Variants in POC1A observed in about 807,000 individuals in gnomAD.
The protein encoded by POC1A is POC1 centriolar protein A, also known as POC1 centriolar protein homolog A.
In POC1A, 34 loss-of-function variants were observed where a neutral mutation model predicts 47.8. That is an observed-to-expected ratio of 0.71 (90% CI 0.54 to 0.95). The LOEUF (loss-of-function observed/expected upper bound fraction) is 0.95, where lower values mean the gene tolerates loss of function less well. Among genes scored for constraint, POC1A ranks in the 40% least tolerant of loss-of-function variants. POC1A has a pLI of 0.00. For missense variants in POC1A, 466 were observed against 528.3 expected (o/e 0.88, Z 1.16); for synonymous variants, 177 against 207.6 (o/e 0.85, Z 1.27).
At chr3:52,083,322 G>A (rs1046024462) in intron 10 of POC1A, among the ~76,000 whole-genome samples, 1 of 152,052 alleles carries the variant, frequency 6.6e-6, no homozygotes, top group Non-Finnish European at 1.5e-5. Context: ...ACCCTCATAC[G>A]TGGCGAAACA....
intron 10 of POC1A, among the ~76,000 whole-genome samples, chr3:52,081,223 G>A (rs997424585): frequency 3.9e-5 from 6 of 152,184 alleles, no homozygotes; most frequent in African/African-American, 9.7e-5. Flanking sequence ...TTATGGACAC[G>A]CCTGCTGGCT....
At chr3:52,147,585 C>T (rs966045502) in intron 4 of POC1A, among the ~76,000 whole-genome samples, 2 of 151,920 alleles carry the variant, frequency 1.3e-5, no homozygotes, top group Admixed American at 6.6e-5. Flanking sequence ...AGGCGTGCAC[C>T]ACCACACCCA....
intron 9 of POC1A, among the ~76,000 whole-genome samples, chr3:52,115,763 C>T (rs1348682696): frequency 2.6e-5 from 4 of 152,094 alleles, no homozygotes; most frequent in African/African-American, 7.2e-5. Context: ...ACACTAAACC[C>T]GTTGGTGCTT....
At chr3:52,113,766 A>C (rs1043710405) in intron 9 of POC1A, among the ~76,000 whole-genome samples, 5 of 152,224 alleles carry the variant, frequency 3.3e-5, no homozygotes, top group African/African-American at 1.2e-4. Context: ...ACAAATATTG[A>C]ATCTTCTTTA....
intron 9 of POC1A, among the ~76,000 whole-genome samples, chr3:52,098,660 G>A (rs1032333074): frequency 3.3e-5 from 5 of 152,126 alleles, no homozygotes; most frequent in Admixed American, 2.6e-4. Context: ...GTCAGAAAAC[G>A]ACTGTCTAAA....
chr3:52,150,225 T>G (rs1698514019), intron 2 of POC1A, among the ~76,000 whole-genome samples: 1 of 152,168 alleles, frequency 6.6e-6, no homozygotes, highest in Admixed American at 6.5e-5. Flanking sequence ...ACCGAGGCCC[T>G]TCCCATGCTA....
chr3:52,076,479 G>C (rs118075406), intron 10 of POC1A, among the ~76,000 whole-genome samples: 1 of 152,316 alleles, frequency 6.6e-6, no homozygotes, highest in African/African-American at 2.4e-5. Context: ...ACACCTGGAA[G>C]AGCCTCCCAG....
At chr3:52,113,808 T>C (rs987332150) in intron 9 of POC1A, among the ~76,000 whole-genome samples, 9 of 152,226 alleles carry the variant, frequency 5.9e-5, no homozygotes, top group Admixed American at 5.9e-4. Flanking sequence ...CCACTGAAAC[T>C]AAGAAACCCA....
At position 52,149,367 on chromosome 3, in the gene POC1A, G is replaced by A. The variant is rs1698476772; in HGVS notation, c.298C>T (p.Arg100Cys). ...PNVKGESTVFRAHTATVRSVH... is the reference protein window; with the variant it reads ...PNVKGESTVFCAHTATVRSVH... ...CTCCTCACTGTGGCTGTGTGTGCAC[G>A]AAACACAGTGGACTCACCTTTGCTA... is the stretch of plus-strand genomic sequence containing the variant. The change falls in exon 4 of 11, where the codon CGT (arginine) becomes TGT (cysteine). Residue 100 changes from arginine (R) to cysteine (C), a missense_variant. Transcript: ENST00000296484. 3 of 1,613,976 alleles carry A rather than the reference G, an allele frequency of 1.9e-6. No homozygotes were observed. The highest frequency in any genetic ancestry group is 1.3e-5 in the African/African-American group (1 of 74,910).
intron 2 of POC1A, among the ~76,000 whole-genome samples, 155 bp downstream of exon 2, chr3:52,150,861 G>T (rs1002208651): frequency 9.2e-5 from 14 of 152,166 alleles, no homozygotes; most frequent in African/African-American, 2.9e-4. Flanking sequence ...GAAGCCCAGT[G>T]CCCAAAGAGC....
At chr3:52,136,447 G>C (rs899653740) in intron 7 of POC1A, among the ~76,000 whole-genome samples, 1 of 152,180 alleles carries the variant, frequency 6.6e-6, no homozygotes, top group Non-Finnish European at 1.5e-5. Flanking sequence ...CCCAGGCCAG[G>C]AAGCCCAGGA....
At chr3:52,105,357 G>A (rs909035212) in intron 9 of POC1A, among the ~76,000 whole-genome samples, 1 of 152,236 alleles carries the variant, frequency 6.6e-6, no homozygotes, top group African/African-American at 2.4e-5. Context: ...AACTGTGGAT[G>A]AGGAGACTCA....
chr3:52,152,508 T>G (rs1230629210), intron 1 of POC1A, among the ~76,000 whole-genome samples: 1 of 151,888 alleles, frequency 6.6e-6, no homozygotes, highest in Non-Finnish European at 1.5e-5. Context: ...AGGAGGAGGT[T>G]GTAGTGAGCC....
At chr3:52,082,068 T>C (rs1338161115) in intron 10 of POC1A, among the ~76,000 whole-genome samples, 1 of 151,776 alleles carries the variant, frequency 6.6e-6, no homozygotes, top group Non-Finnish European at 1.5e-5. Context: ...TGAGAGGGTC[T>C]GGCAGGCATG....
Position 52,149,357 on chromosome 3 carries a change from G to A in POC1A, c.308C>T (p.Thr103Ile). ...KGESTVFRAH[T>I]ATVRSVHFCS... ...GAAGTGGACACTCCTCACTGTGGCTGTGTGTGCACGAAACACAGTGGACTC... is the reference window on the plus strand; with the variant it reads ...GAAGTGGACACTCCTCACTGTGGCTATGTGTGCACGAAACACAGTGGACTC... Residue 103 changes from threonine (T) to isoleucine (I), a missense_variant, in exon 4 of 11, where the codon ACA becomes ATA. Coordinates refer to ENST00000296484, the MANE Select transcript of POC1A (RefSeq NM_015426.5). The A allele has an allele frequency of 1.2e-6, 2 of 1,614,176 alleles. No homozygotes were observed. The highest frequency in any genetic ancestry group is 1.7e-6 in the Non-Finnish European group (2 of 1,180,026).
chr3:52,121,283 T>A (rs916634981), intron 9 of POC1A, among the ~76,000 whole-genome samples: 1 of 152,144 alleles, frequency 6.6e-6, no homozygotes, highest in East Asian at 1.9e-4. Flanking sequence ...CAGTGTGAAA[T>A]GCCTTTCTGG....
At chr3:52,101,882 T>C (rs1236985922) in intron 9 of POC1A, among the ~76,000 whole-genome samples, 3 of 152,250 alleles carry the variant, frequency 2.0e-5, no homozygotes, top group Non-Finnish European at 2.9e-5. Context: ...TTCCCCATCA[T>C]TGCTAAAATA....
intron 6 of POC1A, among the ~76,000 whole-genome samples, chr3:52,141,720 G>A (rs1165499958): frequency 6.6e-6 from 1 of 152,112 alleles, no homozygotes; most frequent in Non-Finnish European, 1.5e-5. Flanking sequence ...CGGGCATGGT[G>A]ACTCACGCCT....
chr3:52,112,023 G>C (rs1256067809), intron 9 of POC1A, among the ~76,000 whole-genome samples: 1 of 152,224 alleles, frequency 6.6e-6, no homozygotes, highest in Non-Finnish European at 1.5e-5. Context: ...GCCACAGCAA[G>C]TCCCATCTTC....
Sources: allele counts gnomAD v4.1 joint callset (sites outside exome capture counted in the v4.1 genomes callset), GRCh38; gene constraint gnomAD v4.1.1; transcripts MANE v1.5; gene names NCBI Gene and HGNC (gene_info 2026-07-23, HGNC 2026-07-21).